RSPH14: variants seen among roughly 807,000 people sequenced by gnomAD.
The protein encoded by RSPH14 is rhabdoid tumor deletion region gene 1.
In RSPH14, 20 loss-of-function variants were observed where a neutral mutation model predicts 26.7. The observed-to-expected ratio is 0.75, with a 90% confidence interval of 0.53 to 1.09. RSPH14 has a LOEUF of 1.09. Ranked by LOEUF, RSPH14 falls within the 50% of genes least tolerant of loss-of-function variation. The probability of loss-of-function intolerance (pLI) is 0.00; values close to 1 mark genes in which losing one functional copy is unlikely to be tolerated. For missense variants in RSPH14, 449 were observed against 457.2 expected (o/e 0.98, Z 0.16); for synonymous variants, 177 against 189.3 (o/e 0.93, Z 0.53).
At chr22:23,149,850 G>T (rs1013681586), upstream of RSPH14, among the ~76,000 whole-genome samples, 4 of 152,196 alleles carry the variant, frequency 2.6e-5, no homozygotes, top group Admixed American at 2.6e-4. Context: ...GTCCCTGCCT[G>T]GGCTCGCCCC....
chr22:23,113,067 C>T (rs1049812368), intron 4 of RSPH14, among the ~76,000 whole-genome samples: 2 of 152,188 alleles, frequency 1.3e-5, no homozygotes, highest in African/African-American at 4.8e-5. Context: ...TCACAGGGCT[C>T]ACCTCCAGGC....
Position 23,104,459 on chromosome 22 carries a change from C to T in RSPH14, c.421+29567G>A, listed in dbSNP as rs543597127. On this transcript the variant is annotated intron_variant, in intron 4 of 6. Coordinates refer to ENST00000216036, the MANE Select transcript of RSPH14 (RefSeq NM_014433.3). ...CAGGGCAGAGCTGCTTCCCACCCCA[C>T]ATCCCCTCAACCTGCATCGGCTAGG... Among the ~76,000 whole-genome samples, 7 of 152,344 alleles carry T rather than the reference C, an allele frequency of 4.6e-5. No individual in the cohort carries two copies. In the South Asian group the frequency reaches 1.2e-3, roughly 27 times the overall value.
upstream of RSPH14, among the ~76,000 whole-genome samples, chr22:23,147,341 T>C (rs546676300): frequency 4.2e-5 from 6 of 143,828 alleles, no homozygotes; most frequent in African/African-American, 1.3e-4. Flanking sequence ...TTCTTTTTTC[T>C]TTTTTTTTTA....
intron 4 of RSPH14, among the ~76,000 whole-genome samples, chr22:23,096,986 C>T (rs772388410): frequency 2.0e-5 from 3 of 152,142 alleles, no homozygotes; most frequent in South Asian, 2.1e-4. Context: ...GGTGGGGAGC[C>T]GGGTGAAGCA....
the RSPH14 span, among the ~76,000 whole-genome samples, chr22:23,166,421 A>G: frequency 4.6e-5 from 7 of 151,922 alleles, no homozygotes; most frequent in African/African-American, 1.5e-4. Flanking sequence ...CTGTGTCCCA[A>G]TGTCTGCTCC....
intron 4 of RSPH14, among the ~76,000 whole-genome samples, chr22:23,077,967 C>CATG (rs1459039858): frequency 6.6e-6 from 1 of 152,238 alleles, no homozygotes; most frequent in Non-Finnish European, 1.5e-5. Context: ...GCCCTCATGC[C>CATG]TCCTCCTGCC....
the RSPH14 span, among the ~76,000 whole-genome samples, chr22:23,175,849 C>T: frequency 2.0e-5 from 3 of 152,208 alleles, no homozygotes; most frequent in Non-Finnish European, 4.4e-5. Flanking sequence ...GCATCCTTCC[C>T]ACTGAGGGAA....
upstream of RSPH14, chr22:23,145,573 G>C (rs762045062): frequency 1.3e-6 from 2 of 1,589,766 alleles, no homozygotes; most frequent in African/African-American, 1.3e-5. Context: ...CGCCCACTCT[G>C]TCCGACCCTC....
At chr22:23,083,547 G>C (rs895204923) in intron 4 of RSPH14, among the ~76,000 whole-genome samples, 1 of 152,170 alleles carries the variant, frequency 6.6e-6, no homozygotes, top group Non-Finnish European at 1.5e-5. Context: ...CACCTGCTTC[G>C]AGGGAAGCAG....
intron 4 of RSPH14, among the ~76,000 whole-genome samples, chr22:23,068,909 A>G (rs781190717): frequency 2.0e-5 from 3 of 152,182 alleles, no homozygotes; most frequent in Non-Finnish European, 4.4e-5. Context: ...CACAAAGGGT[A>G]GCTAGCCCCT....
At chr22:23,064,639 G>A (rs1480996594) in intron 4 of RSPH14, among the ~76,000 whole-genome samples, 2 of 152,216 alleles carry the variant, frequency 1.3e-5, no homozygotes, top group Non-Finnish European at 2.9e-5. Flanking sequence ...TTTTGACTCT[G>A]AGACAGAAGA....
upstream of RSPH14, chr22:23,145,511 G>C: frequency 6.2e-7 from 1 of 1,605,560 alleles, no homozygotes; most frequent in Non-Finnish European, 8.5e-7. Flanking sequence ...GGCTCAGGCG[G>C]ACCAGGCCGC....
At chr22:23,086,469 G>C (rs571233771) in intron 4 of RSPH14, among the ~76,000 whole-genome samples, 3 of 152,332 alleles carry the variant, frequency 2.0e-5, no homozygotes, top group Admixed American at 1.3e-4. Context: ...CTCCAGCCAC[G>C]GGCCTCTGGA....
intron 4 of RSPH14, among the ~76,000 whole-genome samples, chr22:23,086,114 A>C (rs571714105): frequency 1.3e-5 from 2 of 152,252 alleles, no homozygotes; most frequent in Admixed American, 6.5e-5. Context: ...TGAAAGTAGG[A>C]CTATGAAGTC....
chr22:23,131,679 T>C, intron 4 of RSPH14: 1 of 1,296,316 alleles, frequency 7.7e-7, no homozygotes, highest in South Asian at 1.2e-5. Flanking sequence ...CTCAGGTTCC[T>C]GCATGGTGAG....
At chr22:23,095,572 C>G (rs1452677603) in intron 4 of RSPH14, 14 of 1,081,610 alleles carry the variant, frequency 1.3e-5, no homozygotes, top group East Asian at 5.2e-5. Flanking sequence ...GCCTCACCCC[C>G]CTGCTGGCAC....
intron 4 of RSPH14, among the ~76,000 whole-genome samples, chr22:23,096,785 C>T (rs564277410): frequency 9.8e-5 from 15 of 152,384 alleles, no homozygotes; most frequent in African/African-American, 3.1e-4. Flanking sequence ...CCTGCAACCC[C>T]ATCTTGAGTC....
At chr22:23,146,695 C>G (rs747110184), upstream of RSPH14, 2 of 1,613,572 alleles carry the variant, frequency 1.2e-6, no homozygotes, top group East Asian at 4.5e-5. Flanking sequence ...GGTAGAGAGT[C>G]ATTACGTCTG....
chr22:23,123,455 G>A, intron 4 of RSPH14: 2 of 1,527,148 alleles, frequency 1.3e-6, no homozygotes, highest in Non-Finnish European at 1.8e-6. Context: ...GGGCCCGCCT[G>A]CCTATGGTGA....
Sources: gnomAD v4.1 joint callset for allele counts (sites outside exome capture counted in the v4.1 genomes callset) on GRCh38, gnomAD v4.1.1 for gene constraint, MANE v1.5 for transcripts, NCBI Gene and HGNC (gene_info 2026-07-23, HGNC 2026-07-21) for gene names.